LTAP1: variants seen among roughly 807,000 people sequenced by gnomAD.
LTAP1 encodes HCV NS5A-transactivated protein 4.
chr1:154,207,777 A>T, the LTAP1 span: 26 of 778,986 alleles, frequency 3.3e-5, no homozygotes, highest in South Asian at 4.8e-4. Context: ...TATTTTGTAA[A>T]CTAGTTACTA....
At chr1:154,219,948 A>T in the LTAP1 span, 25 of 1,580,548 alleles carry the variant, frequency 1.6e-5, no homozygotes, top group Non-Finnish European at 2.1e-5. Context: ...CTGTCCAAAA[A>T]GATGTAAAAA....
the LTAP1 span, chr1:154,207,293 C>A: frequency 3.0e-6 from 2 of 659,090 alleles, no homozygotes; most frequent in Non-Finnish European, 5.3e-6. Flanking sequence ...GGGGAATTAC[C>A]CTTTAGACAC....
the LTAP1 span, among the ~76,000 whole-genome samples, chr1:154,217,247 C>A: frequency 6.6e-6 from 1 of 152,144 alleles, no homozygotes; most frequent in East Asian, 1.9e-4. Context: ...CCGCACCCAG[C>A]AAAATTTTTC....
chr1:154,219,909 T>G, the LTAP1 span: 1 of 1,613,366 alleles, frequency 6.2e-7, no homozygotes, highest in Non-Finnish European at 8.5e-7. Flanking sequence ...GATTTGCCTC[T>G]TCACAAAAAT....
the LTAP1 span, among the ~76,000 whole-genome samples, chr1:154,209,071 T>C: frequency 2.6e-5 from 4 of 152,186 alleles, no homozygotes; most frequent in African/African-American, 4.8e-5. Flanking sequence ...TTTAAAAAGA[T>C]TGTGGTAAAA....
At chr1:154,214,844 A>ATTTT in the LTAP1 span, among the ~76,000 whole-genome samples, 2 of 140,346 alleles carry the variant, frequency 1.4e-5, no homozygotes, top group East Asian at 2.1e-4. Flanking sequence ...ATTATTTCCA[A>ATTTT]TTTTTTTTTT....
the LTAP1 span, chr1:154,212,249 G>C: frequency 1.3e-6 from 2 of 1,492,056 alleles, no homozygotes; most frequent in South Asian, 2.3e-5. Flanking sequence ...CTTTATGAAG[G>C]TCACTGCACT....
the LTAP1 span, chr1:154,212,275 C>T: frequency 1.1e-5 from 17 of 1,599,182 alleles, no homozygotes; most frequent in South Asian, 1.2e-4. Flanking sequence ...AACAGTCCAA[C>T]ACTACTGTAC....
the LTAP1 span, chr1:154,212,808 T>C: frequency 1.7e-6 from 1 of 599,718 alleles, no homozygotes; most frequent in Non-Finnish European, 2.9e-6. Context: ...ATTACAGATG[T>C]GCACCACCAT....
At chr1:154,218,198 G>A in the LTAP1 span, among the ~76,000 whole-genome samples, 1 of 152,306 alleles carries the variant, frequency 6.6e-6, no homozygotes, top group South Asian at 2.1e-4. Flanking sequence ...GTACACATGA[G>A]CAAAACTTAA....
At chr1:154,211,134 A>G in the LTAP1 span, among the ~76,000 whole-genome samples, 29 of 151,356 alleles carry the variant, frequency 1.9e-4, no homozygotes, top group Admixed American at 5.3e-4. Flanking sequence ...CCTCCCGAGT[A>G]GCTGGTATTA....
the LTAP1 span, among the ~76,000 whole-genome samples, chr1:154,217,493 T>A: frequency 6.6e-6 from 1 of 152,088 alleles, no homozygotes; most frequent in Non-Finnish European, 1.5e-5. Context: ...ATGGTACATA[T>A]TCTCTTGTGA....
At chr1:154,210,895 A>C in the LTAP1 span, among the ~76,000 whole-genome samples, 13 of 152,224 alleles carry the variant, frequency 8.5e-5, no homozygotes, top group Non-Finnish European at 1.9e-4. Flanking sequence ...AAAAGCCATG[A>C]ATCCTCTCCT....
At chr1:154,212,360 ACTCAT>A in the LTAP1 span, 1 of 1,613,932 alleles carries the variant, frequency 6.2e-7, no homozygotes, top group South Asian at 1.1e-5. Context: ...TAGCGTAGGT[ACTCAT>A]TCTGGCCAAA....
chr1:154,220,571 C>T, the LTAP1 span: 5 of 683,906 alleles, frequency 7.3e-6, no homozygotes, highest in Non-Finnish European at 1.3e-5. Context: ...GGCGGACAGG[C>T]AGGAGAGCTG....
chr1:154,219,851 T>A, the LTAP1 span: 1 of 1,609,412 alleles, frequency 6.2e-7, no homozygotes, highest in Non-Finnish European at 8.5e-7. Flanking sequence ...GGGCATTGTG[T>A]CCCACAGGGA....
chr1:154,209,682 G>T, the LTAP1 span, among the ~76,000 whole-genome samples: 1 of 151,850 alleles, frequency 6.6e-6, no homozygotes, highest in African/African-American at 2.4e-5. Flanking sequence ...CGCCTCCTGG[G>T]TTCATGCCAT....
At chr1:154,217,470 G>A in the LTAP1 span, among the ~76,000 whole-genome samples, 1 of 152,116 alleles carries the variant, frequency 6.6e-6, no homozygotes, top group Non-Finnish European at 1.5e-5. Context: ...TCATATAAAT[G>A]GGGTGGAAGC....
chr1:154,207,575 C>T, the LTAP1 span: 1 of 1,614,010 alleles, frequency 6.2e-7, no homozygotes, highest in South Asian at 1.1e-5. Flanking sequence ...GTTGGGGAGA[C>T]CTCAGGGGAC....
Sources: allele counts gnomAD v4.1 joint callset (sites outside exome capture counted in the v4.1 genomes callset), GRCh38; gene constraint gnomAD v4.1.1; transcripts MANE v1.5; gene names NCBI Gene and HGNC (gene_info 2026-07-23, HGNC 2026-07-21).